Variants in WNK2 observed in about 807,000 individuals in gnomAD.
WNK2 encodes WNK lysine deficient protein kinase 2, also known as serine/threonine-protein kinase WNK2.
A neutral mutation model predicts 192.1 loss-of-function variants in WNK2; 67 were observed. That is an observed-to-expected ratio of 0.35 (90% CI 0.29 to 0.43). The LOEUF is 0.43. Ranked by LOEUF, WNK2 falls within the 20% of genes least tolerant of loss-of-function variation. The pLI, the probability that WNK2 is intolerant of heterozygous loss-of-function variation, is 1.00. For missense variants in WNK2, 2,698 were observed against 3,089.7 expected, an observed-to-expected ratio of 0.87 and a Z score of 3.01; for synonymous variants, 1,439 against 1,393.9, an observed-to-expected ratio of 1.03 and a Z score of -0.72.
At chr9:93,236,300 G>T (rs1397621982) in intron 5 of WNK2, among the ~76,000 whole-genome samples, 1 of 152,130 alleles carries the variant, frequency 6.6e-6, no homozygotes, top group East Asian at 1.9e-4. Context: ...GACCCTGGGG[G>T]TGTACACTAC....
chr9:93,242,143 C>T (rs1166663724), intron 7 of WNK2, among the ~76,000 whole-genome samples: 1 of 152,194 alleles, frequency 6.6e-6, no homozygotes, highest in Non-Finnish European at 1.5e-5. Context: ...GGCCCATGTC[C>T]TGGGCTGTGA....
At chr9:93,206,027 C>T (rs915528162) in intron 2 of WNK2, among the ~76,000 whole-genome samples, 3 of 152,116 alleles carry the variant, frequency 2.0e-5, no homozygotes, top group Non-Finnish European at 4.4e-5. Context: ...AGACCCCGTG[C>T]GGAGCCTCGG....
At position 93,293,077 on chromosome 9, in the gene WNK2, C is replaced by A. The variant is rs1201327326; in HGVS notation, c.5612C>A (p.Thr1871Asn). 1 of 1,609,514 alleles carries A rather than the reference C, an allele frequency of 6.2e-7. No homozygotes were observed. The highest frequency in any genetic ancestry group is 1.3e-5 in the African/African-American group (1 of 74,852). ...VGMKVPTISV[T>N]SFHSQSSYIS... ...ATGAAGGTCCCCACGATCAGCGTGA[C>A]CTCCTTCCATTCCCAGTCGTCCTAC... The change falls in exon 23 of 30, where the codon ACC becomes AAC. Residue 1871 changes from threonine (T) to asparagine (N), a missense_variant. Physicochemically the swap from Thr to Asn is moderately conservative, Grantham distance 65 (BLOSUM62 0). Coordinates refer to ENST00000427277, the MANE Select transcript of WNK2 (RefSeq NM_006648.4).
At chr9:93,205,083 A>G (rs1833119935) in intron 2 of WNK2, among the ~76,000 whole-genome samples, 1 of 152,178 alleles carries the variant, frequency 6.6e-6, no homozygotes, top group African/African-American at 2.4e-5. Context: ...GAGCTGTGTT[A>G]ACGTCTGTGG....
chr9:93,256,376 G>A lies in WNK2; in HGVS notation c.2112G>A (p.Met704Ile). 1 of 1,572,820 alleles carries A rather than the reference G, an allele frequency of 6.4e-7. No homozygotes were observed. The highest frequency in any genetic ancestry group is 8.6e-7 in the Non-Finnish European group (1 of 1,165,566). Residue 704 changes from methionine (M) to isoleucine (I), a missense_variant, in exon 10 of 30, where the codon ATG (methionine) becomes ATA (isoleucine). By Grantham distance (10) the Met-to-Ile change is conservative. Around this residue, in one of 7 missense-constraint regions of WNK2, gnomAD observed 893 missense variants for 909.0 expected, o/e 0.98. Transcript: ENST00000427277. ...SLQQHFPDPA[M>I]SFAPVLPPPS... ...AGCAGCACTTCCCGGATCCGGCCAT[G>A]AGCTTCGCCCCCGTGCTGCCGCCGC...
intron 2 of WNK2, among the ~76,000 whole-genome samples, chr9:93,188,821 C>T (rs1390313536): frequency 6.6e-6 from 1 of 152,170 alleles, no homozygotes; most frequent in African/African-American, 2.4e-5. Flanking sequence ...AGACCCTCCT[C>T]TAGGGGGTGG....
At chr9:93,197,897 C>T (rs1831571062) in intron 2 of WNK2, among the ~76,000 whole-genome samples, 1 of 152,142 alleles carries the variant, frequency 6.6e-6, no homozygotes, top group South Asian at 2.1e-4. Flanking sequence ...TCAGATCCGG[C>T]TAGGCTGGTC....
In WNK2 at chr9:93,224,315, C is replaced by T. The variant is rs535120898; in HGVS notation, c.682-5381C>T. ...CCCTAGTAGGTCTGACATCTCCAACCGTTGCCCACTGGGGACTGTTCTGGC... is the reference window on the plus strand; with the variant it reads ...CCCTAGTAGGTCTGACATCTCCAACTGTTGCCCACTGGGGACTGTTCTGGC... On this transcript the variant is annotated intron_variant, in intron 2 of 29. Transcript: ENST00000427277. Among the ~76,000 whole-genome samples, 28 of 152,298 alleles carry T rather than the reference C, an allele frequency of 1.8e-4. No homozygotes were observed. The South Asian group carries it at 5.4e-3, about 29-fold the overall frequency.
In WNK2 at chr9:93,259,669, C is replaced by A; in HGVS notation, c.3066+55C>A. Reference sequence around the variant, plus strand: ...TCCCAGCGTCTGGGGACCCTCAGGACCCAGAGATGCAAAGGAGGACAGAGG... The same window carrying A: ...TCCCAGCGTCTGGGGACCCTCAGGAACCAGAGATGCAAAGGAGGACAGAGG... On this transcript the variant is annotated intron_variant, in intron 12 of 29. Coordinates refer to ENST00000427277, the MANE Select transcript of WNK2 (RefSeq NM_006648.4). The surrounding 1 kb of genome is among the most constrained non-coding windows in gnomAD (Gnocchi z 4.8). 6.9e-7 allele frequency: 1 copy of A among 1,443,692 alleles called. No homozygotes were observed. The highest frequency in any genetic ancestry group is 9.1e-7 in the Non-Finnish European group (1 of 1,093,868). The allele number at this position is 1,443,692 out of a possible 1,614,324, so 89.4% of individuals were successfully genotyped here. A position where few individuals can be genotyped will look rare whatever the true frequency, so the allele number is the denominator to read the frequency against.
intron 12 of WNK2, among the ~76,000 whole-genome samples, chr9:93,261,048 A>C (rs978510794): frequency 2.6e-5 from 4 of 152,104 alleles, no homozygotes; most frequent in South Asian, 2.1e-4. Context: ...TGGCCACCCC[A>C]TGGGGTACCC....
chr9:93,267,069 A>G (rs7020940), intron 16 of WNK2: 135,190 of 152,262 alleles, frequency 0.89, 60,981 homozygotes, highest in East Asian at 1. Flanking sequence ...GACTGTGGAC[A>G]TCTCCTGAGC....
chr9:93,296,157 C>T (rs1449001502), intron 23 of WNK2, among the ~76,000 whole-genome samples: 1 of 65,134 alleles, frequency 1.5e-5, no homozygotes, highest in Non-Finnish European at 3.0e-5. Flanking sequence ...CTCCCCTCAC[C>T]ACCCTCCCCT....
rs1833145355 is a variant in WNK2 at position 93,205,254 on chromosome 9, C to G, written c.681+19644C>G. On this transcript the variant is annotated intron_variant, in intron 2 of 29. Transcript: ENST00000427277. ...ACTTTGGTAGCACCTTACCCACTTC[C>G]TGAGTTCAGGGCATCTGTCAGCACA... 2.6e-5 allele frequency among the ~76,000 whole-genome samples: 4 copies of G among 152,178 alleles called. No homozygotes were observed. The South Asian group carries it at 8.3e-4, about 31-fold the overall frequency.
At chr9:93,255,850 C>T (rs1209081838) in intron 9 of WNK2, among the ~76,000 whole-genome samples, 1 of 152,174 alleles carries the variant, frequency 6.6e-6, no homozygotes, top group Non-Finnish European at 1.5e-5. Context: ...ATTTCCCATT[C>T]TTTTGAGGTC....
intron 28 of WNK2, among the ~76,000 whole-genome samples, chr9:93,313,394 CT>C (rs972140670): frequency 6.4e-5 from 9 of 141,674 alleles, no homozygotes; most frequent in Admixed American, 1.4e-4. Flanking sequence ...TCTCCTGTAT[CT>C]TTAAAAAAAA....
In WNK2 at chr9:93,267,901, C is replaced by T. The variant is rs889586830; in HGVS notation, c.3852C>T (p.Gly1284=). Residue 1284 remains glycine (G), a synonymous_variant, in exon 17 of 30, where the codon GGC becomes GGT. Transcript: ENST00000427277. ...GCCCGCCACACCTCAGCACCTGCGG[C>T]CTGGGCACCGGGGAGGTGAGGTTGT... ...GTSPPHLSTC[G]LGTGEESRQS... is the part of the protein sequence containing the mutation. 1.2e-6 allele frequency: 2 copies of T among 1,612,682 alleles called. No homozygotes were observed. The highest frequency in any genetic ancestry group is 2.2e-5 in the South Asian group (2 of 90,782).
chr9:93,211,533 C>T (rs1834729831), intron 2 of WNK2, among the ~76,000 whole-genome samples: 1 of 149,350 alleles, frequency 6.7e-6, no homozygotes, highest in Admixed American at 6.7e-5. Flanking sequence ...CATTCACTCA[C>T]TCACTCATCC....
chr9:93,267,876 G>C lies in WNK2; in HGVS notation c.3827G>C (p.Ser1276Thr). Residue 1276 changes from serine (S) to threonine (T), a missense_variant, in exon 17 of 30, where the codon AGC (serine) becomes ACC (threonine). Physicochemically the swap from Ser to Thr is moderately conservative, Grantham distance 58. Transcript: ENST00000427277. ...DADRGSDPGT[S>T]PPHLSTCGLG... ...GACCGTGGCTCCGACCCAGGGACCA[G>C]CCCGCCACACCTCAGCACCTGCGGC... The C allele has an allele frequency of 1.2e-6, 2 of 1,609,682 alleles. No individual in the cohort carries two copies. The highest frequency in any genetic ancestry group is 2.2e-5 in the South Asian group (2 of 90,498).
intron 19 of WNK2, chr9:93,269,012 T>A: frequency 7.0e-7 from 1 of 1,422,830 alleles, no homozygotes; most frequent in Non-Finnish European, 9.6e-7. Flanking sequence ...AGGTGTGTGT[T>A]GAAGAGCTCC....
Sources: gnomAD v4.1 joint callset for allele counts (sites outside exome capture counted in the v4.1 genomes callset) on GRCh38, gnomAD v4.1.1 for gene constraint, gnomAD v4.1.1 regional missense constraint, Gnocchi (gnomAD v3.1) non-coding constraint, MANE v1.5 for transcripts, NCBI Gene and HGNC (gene_info 2026-07-23, HGNC 2026-07-21) for gene names.